The following TSPEAR variants were observed in gnomAD, a reference collection of about 807,000 sequenced individuals.
TSPEAR encodes thrombospondin-type laminin G domain and EAR repeat-containing protein.
Under a neutral mutation model 71.6 loss-of-function variants are expected in TSPEAR, and 69 were observed. The ratio of observed to expected loss-of-function variants is 0.96; its 90% CI spans 0.79 to 1.18. The LOEUF is 1.18. TSPEAR is among the 50% of genes most tolerant of loss of function. The pLI is 0.00. For missense variants in TSPEAR, 971 were observed against 894.9 expected (o/e 1.09, Z -1.09); for synonymous variants, 402 against 387.2 (o/e 1.04, Z -0.45).
intron 3 of TSPEAR, among the ~76,000 whole-genome samples, chr21:44,532,690 G>A (rs1438218956): frequency 6.6e-6 from 1 of 152,116 alleles, no homozygotes; most frequent in Non-Finnish European, 1.5e-5. Flanking sequence ...AGACAGAAGC[G>A]CAGCCCTGCT....
At chr21:44,603,593 C>A (rs1248844612) in intron 1 of TSPEAR, among the ~76,000 whole-genome samples, 3 of 152,312 alleles carry the variant, frequency 2.0e-5, no homozygotes, top group East Asian at 3.9e-4. Context: ...TGCTGTGGGG[C>A]AGAAACATCA....
chr21:44,562,528 T>G (rs944870018), intron 2 of TSPEAR, among the ~76,000 whole-genome samples: 1 of 151,994 alleles, frequency 6.6e-6, no homozygotes, highest in Non-Finnish European at 1.5e-5. Context: ...CTCAGAAAAC[T>G]CTAAGGTGGA....
intron 1 of TSPEAR, among the ~76,000 whole-genome samples, chr21:44,640,519 G>A (rs1161943511): frequency 6.6e-6 from 1 of 152,200 alleles, no homozygotes; most frequent in East Asian, 1.9e-4. Flanking sequence ...CTTACAGTGG[G>A]TGAACTTCAT....
At chr21:44,690,253 G>A (rs548571119) in intron 1 of TSPEAR, among the ~76,000 whole-genome samples, 3 of 152,324 alleles carry the variant, frequency 2.0e-5, no homozygotes, top group South Asian at 2.1e-4. Context: ...CCCACAAAGC[G>A]GGACAGTGAG....
rs587629657 is a variant in TSPEAR at position 44,530,050 on chromosome 21, G to A, written c.634-96C>T. 73 of 1,311,204 alleles carry A rather than the reference G, an allele frequency of 5.6e-5. 2 individuals carry two copies. In the South Asian group the frequency reaches 9.3e-4, roughly 17 times the overall value. 81.2% of individuals were successfully genotyped at this position (1,311,204 alleles called of 1,614,324 possible). On this transcript the variant is annotated intron_variant, in intron 4 of 11. Coordinates refer to ENST00000323084, the MANE Select transcript of TSPEAR (RefSeq NM_144991.3). Reference sequence around the variant, plus strand: ...AGCTTGGCCCATCCAGAGCCCGGAGGAGGCTCGGGTGGATGGAATCTAAGC... The same window carrying A: ...AGCTTGGCCCATCCAGAGCCCGGAGAAGGCTCGGGTGGATGGAATCTAAGC...
rs1390837838 is a variant in TSPEAR, at chr21:44,546,240, CA to C, written c.304-12318del. Among the ~76,000 whole-genome samples the C allele has an allele frequency of 1.3e-5, 2 of 152,200 alleles. No individual in the cohort carries two copies. Among genetic ancestry groups the C allele is most frequent in the African/African-American group, 4.8e-5 (2 of 41,454 alleles). ...TGGCTACCTTTCCTTCATATGGCTC[CA>C]GGTTACTGTCTAGTGCCCTTTTATT... On this transcript the variant is annotated intron_variant, in intron 2 of 11. Transcript: ENST00000323084. The surrounding 1 kb of genome is among the most constrained non-coding windows in gnomAD (Gnocchi z 4.4).
At chr21:44,586,432 G>T (rs1362279169) in intron 1 of TSPEAR, among the ~76,000 whole-genome samples, 1 of 152,128 alleles carries the variant, frequency 6.6e-6, no homozygotes, top group East Asian at 1.9e-4. Flanking sequence ...GGAGTAGCCA[G>T]CCCAAACAGA....
At chr21:44,508,789 T>C in intron 10 of TSPEAR, 2 of 1,313,154 alleles carry the variant, frequency 1.5e-6, no homozygotes. Context: ...AAGGAAGTAA[T>C]CATGTCTGGT....
At position 44,634,727 on chromosome 21, in the gene TSPEAR, G is replaced by T. The variant is rs981591027; in HGVS notation, c.83-66722C>A. 4.1e-4 allele frequency among the ~76,000 whole-genome samples: 62 copies of T among 152,158 alleles called. 1 individual carries two copies. The highest frequency in any genetic ancestry group is 1.8e-4 in the Non-Finnish European group (12 of 68,016). On this transcript the variant is annotated intron_variant, in intron 1 of 11. Transcript: ENST00000323084. ...CAAATGGATGATACACGCAGGAAAA[G>T]AAGCTCAATGTTATTGGTCATTAGG...
chr21:44,645,658 CTCTTA>C (rs1184848441), intron 1 of TSPEAR, among the ~76,000 whole-genome samples: 9 of 152,196 alleles, frequency 5.9e-5, no homozygotes, highest in East Asian at 1.9e-4. Context: ...AGCCAGCTTC[CTCTTA>C]TCTTATCGTC....
At chr21:44,582,591 C>T (rs182781327) in intron 1 of TSPEAR, among the ~76,000 whole-genome samples, 22 of 150,746 alleles carry the variant, frequency 1.5e-4, no homozygotes, top group Admixed American at 2.6e-4. Context: ...GCTCCCTTCT[C>T]CTGGTGTCTG....
At chr21:44,615,303 ACGCAGGAGCGCGAGT>A (rs1257090317) in intron 1 of TSPEAR, among the ~76,000 whole-genome samples, 1 of 152,234 alleles carries the variant, frequency 6.6e-6, no homozygotes, top group Non-Finnish European at 1.5e-5. Context: ...ACCCGCACAC[ACGCAGGAGCGCGAGT>A]GCCCAGGCTG....
Position 44,637,379 on chromosome 21 carries a change from T to A in TSPEAR, c.83-69374A>T, listed in dbSNP as rs782566681. ...CACACTCACTCACACACTCACTCAC[T>A]CACACACCTCCCCCAGCTCACCGCC... On this transcript the variant is annotated intron_variant, in intron 1 of 11. Transcript: ENST00000323084. 10 of 1,580,320 alleles carry A rather than the reference T, an allele frequency of 6.3e-6. No individual in the cohort carries two copies. The South Asian group carries it at 7.2e-5, about 11-fold the overall frequency.
chr21:44,575,830 C>T (rs976046221), intron 1 of TSPEAR, among the ~76,000 whole-genome samples: 1 of 152,172 alleles, frequency 6.6e-6, no homozygotes, highest in African/African-American at 2.4e-5. Context: ...GGGTCTCTGT[C>T]GCTTCGCTTC....
chr21:44,592,603 G>A (rs13046558), intron 1 of TSPEAR: 57 of 1,450,304 alleles, frequency 3.9e-5, no homozygotes, highest in East Asian at 9.5e-5. Context: ...CCGTGTTGCC[G>A]AGAGCTGGAG....
rs782257584 is a variant in TSPEAR, at chr21:44,654,475, C to T, written c.82+56958G>A. 3.0e-5 allele frequency: 48 copies of T among 1,613,758 alleles called. No homozygotes were observed. The highest frequency in any genetic ancestry group is 5.3e-5 in the African/African-American group (4 of 74,910). On this transcript the variant is annotated intron_variant, in intron 1 of 11. Coordinates refer to ENST00000323084, the MANE Select transcript of TSPEAR (RefSeq NM_144991.3). ...GCAGGTGGATACCCCACACAGGGGCCGGCACAGCAGAGCCACACAGGGGGC... is the reference window on the plus strand; with the variant it reads ...GCAGGTGGATACCCCACACAGGGGCTGGCACAGCAGAGCCACACAGGGGGC...
At chr21:44,632,223 A>C (rs1453027970) in intron 1 of TSPEAR, among the ~76,000 whole-genome samples, 1 of 152,240 alleles carries the variant, frequency 6.6e-6, no homozygotes, top group African/African-American at 2.4e-5. Context: ...AGAAACACAA[A>C]ATTAAATTAT....
chr21:44,518,584 T>G, intron 9 of TSPEAR: 1 of 462,780 alleles, frequency 2.2e-6, no homozygotes, highest in South Asian at 1.6e-5. Context: ...TAGGAGACCT[T>G]GCCTAGTTGA....
At chr21:44,503,611 C>T (rs1396994256) in intron 11 of TSPEAR, among the ~76,000 whole-genome samples, 2 of 136,066 alleles carry the variant, frequency 1.5e-5, no homozygotes, top group East Asian at 2.3e-4. Context: ...GGAAGCAAGG[C>T]GCTGGGAGGA....
Sources: gnomAD v4.1 joint callset for allele counts (sites outside exome capture counted in the v4.1 genomes callset) on GRCh38, gnomAD v4.1.1 for gene constraint, Gnocchi (gnomAD v3.1) non-coding constraint, MANE v1.5 for transcripts, NCBI Gene and HGNC (gene_info 2026-07-23, HGNC 2026-07-21) for gene names.